Variants in NFIL3 observed in about 807,000 individuals in gnomAD.
NFIL3 encodes nuclear factor interleukin-3-regulated protein.
Under a neutral mutation model 10.0 loss-of-function variants are expected in NFIL3, and 5 were observed. That is an observed-to-expected ratio of 0.50 (90% CI 0.26 to 1.06). The LOEUF is 1.06. NFIL3 is among the 50% of genes least tolerant of loss of function. NFIL3 has a pLI of 0.13. For synonymous variants in NFIL3, 202 were observed against 206.5 expected (o/e 0.98, Z 0.19); for missense variants, 436 against 547.6 (o/e 0.80, Z 2.03).
the NFIL3 span, among the ~76,000 whole-genome samples, chr9:91,472,855 T>A: frequency 1.3e-5 from 2 of 152,222 alleles, no homozygotes; most frequent in African/African-American, 4.8e-5. Context: ...CTACCTTTGG[T>A]CTTTGATGAT....
the NFIL3 span, among the ~76,000 whole-genome samples, chr9:91,464,702 G>T: frequency 6.6e-6 from 1 of 152,054 alleles, no homozygotes; most frequent in Non-Finnish European, 1.5e-5. Context: ...CCAATTTGCT[G>T]GTGATAAATT....
chr9:91,437,702 T>G, the NFIL3 span, among the ~76,000 whole-genome samples: 10 of 152,232 alleles, frequency 6.6e-5, no homozygotes, highest in Non-Finnish European at 1.2e-4. Context: ...CAGTGTCTTA[T>G]TCCCTATCTC....
chr9:91,423,891 G>C (rs2118052460), upstream of NFIL3: 1 of 144,524 alleles, frequency 6.9e-6, no homozygotes, highest in Admixed American at 6.8e-5. Context: ...CGTGACTGGC[G>C]GCCGCGGCCC....
At chr9:91,448,102 G>A in the NFIL3 span, among the ~76,000 whole-genome samples, 4 of 152,146 alleles carry the variant, frequency 2.6e-5, no homozygotes, top group East Asian at 7.7e-4. Context: ...CATAGACTTT[G>A]CACCCTTGTC....
intron 1 of NFIL3, among the ~76,000 whole-genome samples, chr9:91,414,794 C>G (rs968461315): frequency 2.6e-5 from 4 of 152,204 alleles, no homozygotes; most frequent in Admixed American, 2.6e-4. Context: ...ATCATATACA[C>G]TGTGTGTGTT....
chr9:91,476,655 C>T, the NFIL3 span, among the ~76,000 whole-genome samples: 1 of 151,634 alleles, frequency 6.6e-6, no homozygotes, highest in Non-Finnish European at 1.5e-5. Context: ...ACGCAATTCA[C>T]TACATTCACA....
At chr9:91,466,933 G>A in the NFIL3 span, among the ~76,000 whole-genome samples, 1 of 152,114 alleles carries the variant, frequency 6.6e-6, no homozygotes, top group African/African-American at 2.4e-5. Context: ...CAGACTTTGA[G>A]TACAGTAGAA....
At chr9:91,422,235 G>A (rs1255698971) in intron 1 of NFIL3, among the ~76,000 whole-genome samples, 2 of 152,164 alleles carry the variant, frequency 1.3e-5, no homozygotes, top group African/African-American at 4.8e-5. Flanking sequence ...CTTATCAAAG[G>A]TCTCCGAAGG....
chr9:91,452,787 CAAAAAAAAAAAA>C, the NFIL3 span, among the ~76,000 whole-genome samples: 4 of 59,858 alleles, frequency 6.7e-5, no homozygotes, highest in East Asian at 1.4e-3. Flanking sequence ...AACTCTGTCT[CAAAAAAAAAAAA>C]AAAAAAAAAG....
chr9:91,466,619 G>A, the NFIL3 span, among the ~76,000 whole-genome samples: 1 of 152,240 alleles, frequency 6.6e-6, no homozygotes, highest in East Asian at 1.9e-4. Context: ...AGACATCAAG[G>A]AAAAGAGTAA....
chr9:91,464,008 T>C, the NFIL3 span, among the ~76,000 whole-genome samples: 1 of 152,090 alleles, frequency 6.6e-6, no homozygotes, highest in Admixed American at 6.6e-5. Flanking sequence ...TCATTCCCCA[T>C]CCTTTACTTT....
the NFIL3 span, among the ~76,000 whole-genome samples, chr9:91,481,774 A>G: frequency 6.6e-6 from 1 of 152,242 alleles, no homozygotes; most frequent in East Asian, 1.9e-4. Context: ...TGACAAATAA[A>G]GAGTTAACAT....
At chr9:91,420,810 T>C (rs1319199719) in intron 1 of NFIL3, among the ~76,000 whole-genome samples, 1 of 152,160 alleles carries the variant, frequency 6.6e-6, no homozygotes, top group Admixed American at 6.5e-5. Flanking sequence ...AGTTTTACAG[T>C]AGGACAGCAG....
chr9:91,473,306 C>G, the NFIL3 span, among the ~76,000 whole-genome samples: 1 of 152,210 alleles, frequency 6.6e-6, no homozygotes, highest in African/African-American at 2.4e-5. Flanking sequence ...TGCCCTGCCC[C>G]CAGAGGTGAA....
At chr9:91,440,399 T>C in the NFIL3 span, among the ~76,000 whole-genome samples, 1 of 152,056 alleles carries the variant, frequency 6.6e-6, no homozygotes, top group South Asian at 2.1e-4. Context: ...TTCTCTCTTT[T>C]TTGCTAGCTA....
upstream of NFIL3, chr9:91,423,946 G>A (rs1339488259): frequency 2.8e-5 from 4 of 144,544 alleles, no homozygotes; most frequent in Non-Finnish European, 4.6e-5. Flanking sequence ...GCCAATGGCC[G>A]CGGCCGGCAG....
At chr9:91,467,030 G>A in the NFIL3 span, among the ~76,000 whole-genome samples, 1 of 152,316 alleles carries the variant, frequency 6.6e-6, no homozygotes, top group East Asian at 1.9e-4. Flanking sequence ...AGACTGCATT[G>A]AGAGTCAAGC....
chr9:91,426,396 G>C (rs759317618), upstream of NFIL3: 1 of 152,154 alleles, frequency 6.6e-6, no homozygotes, highest in Non-Finnish European at 1.5e-5. Context: ...TCACAGAGTA[G>C]GTAAGTATTT....
At chr9:91,465,643 A>G in the NFIL3 span, among the ~76,000 whole-genome samples, 14,850 of 150,470 alleles carry the variant, frequency 0.099, 1,026 homozygotes, top group East Asian at 0.26. Flanking sequence ...TAGTGTGTGC[A>G]TTTTTTTTTC....
Sources: gnomAD v4.1 joint callset for allele counts (sites outside exome capture counted in the v4.1 genomes callset) on GRCh38, gnomAD v4.1.1 for gene constraint, MANE v1.5 for transcripts, NCBI Gene and HGNC (gene_info 2026-07-23, HGNC 2026-07-21) for gene names.